Variants in CCDC102B observed in about 807,000 individuals in gnomAD.
CCDC102B encodes coiled-coil domain containing 102B.
A neutral mutation model predicts 57.4 loss-of-function variants in CCDC102B; 75 were observed. That is an observed-to-expected ratio of 1.31 (90% CI 1.08 to 1.58). The LOEUF is 1.58. Among genes scored for constraint, CCDC102B ranks in the 40% most tolerant of loss-of-function variants. CCDC102B has a pLI of 0.00. For synonymous variants in CCDC102B, 206 were observed against 201.9 expected, an observed-to-expected ratio of 1.02 and a Z score of -0.17; for missense variants, 636 against 582.6, an observed-to-expected ratio of 1.09 and a Z score of -0.94.
intron 7 of CCDC102B, among the ~76,000 whole-genome samples, chr18:69,017,813 C>A (rs571957112): frequency 2.0e-5 from 3 of 152,152 alleles, no homozygotes; most frequent in Non-Finnish European, 4.4e-5. Flanking sequence ...CCCCCTGCCC[C>A]GGGTAACCAC....
intron 7 of CCDC102B, among the ~76,000 whole-genome samples, chr18:69,038,812 G>A (rs1446586566): frequency 6.6e-6 from 1 of 151,976 alleles, no homozygotes; most frequent in African/African-American, 2.4e-5. Flanking sequence ...TAACAAATAT[G>A]CATTAAAGGC....
intron 4 of CCDC102B, among the ~76,000 whole-genome samples, chr18:68,872,425 G>A (rs2039275207): frequency 6.6e-6 from 1 of 151,864 alleles, no homozygotes; most frequent in Non-Finnish European, 1.5e-5. Context: ...TTTTCTTTAT[G>A]TATTTAAAAA....
chr18:69,022,603 T>C (rs1272961056), intron 7 of CCDC102B, among the ~76,000 whole-genome samples: 2 of 152,074 alleles, frequency 1.3e-5, no homozygotes, highest in Non-Finnish European at 2.9e-5. Flanking sequence ...CTTGGCACAG[T>C]GTCAAGTTAT....
chr18:68,795,044 T>C (rs1388139642), upstream of CCDC102B, among the ~76,000 whole-genome samples: 1 of 118,822 alleles, frequency 8.4e-6, no homozygotes, highest in Admixed American at 8.5e-5. Flanking sequence ...AAAAAAAAAA[T>C]GTTGTGGTAA....
chr18:68,733,206 TCA>T (rs1884175436), intron 2 of CCDC102B, among the ~76,000 whole-genome samples: 1 of 152,070 alleles, frequency 6.6e-6, no homozygotes. Flanking sequence ...CTGATGCCTT[TCA>T]CACACACTCT....
chr18:68,734,485 C>G (rs189722041), intron 2 of CCDC102B, among the ~76,000 whole-genome samples: 2 of 152,306 alleles, frequency 1.3e-5, no homozygotes, highest in East Asian at 3.9e-4. Flanking sequence ...CATCATCTGG[C>G]TTACGGAGAA....
Position 68,748,205 on chromosome 18 carries a change from G to GGTGTGT in CCDC102B, c.-67+31658_-67+31663dup, listed in dbSNP as rs5825872. Among the ~76,000 whole-genome samples the GGTGTGT allele has an allele frequency of 4.7e-3, 642 of 137,512 alleles. 1 individual carries two copies. Among genetic ancestry groups the GGTGTGT allele is most frequent in the East Asian group, 0.012 (48 of 4,106 alleles). The allele number at this position is 137,512 out of a possible 152,430, so 90.2% of individuals were successfully genotyped here. ...TAGGTACTTTGTCCATTATTAAACT[G>GGTGTGT]GTGTGTGTGTGTGTGTGTGTGTGTG... On this transcript the variant is annotated intron_variant, in intron 2 of 3. Transcript: ENST00000578970.
At chr18:68,738,077 A>G (rs62100007) in intron 2 of CCDC102B, among the ~76,000 whole-genome samples, 3,313 of 152,288 alleles carry the variant, frequency 0.022, 58 homozygotes, top group Middle Eastern at 0.058. Flanking sequence ...ATCCCCTTGC[A>G]GGGTGTCACA....
intron 6 of CCDC102B, among the ~76,000 whole-genome samples, chr18:68,961,505 T>C (rs2050047662): frequency 1.3e-5 from 2 of 151,948 alleles, no homozygotes; most frequent in Admixed American, 1.3e-4. Context: ...TTTATAAATA[T>C]TCATATGCAA....
At chr18:68,863,295 A>G (rs1211663762) in intron 4 of CCDC102B, among the ~76,000 whole-genome samples, 1 of 151,776 alleles carries the variant, frequency 6.6e-6, no homozygotes, top group African/African-American at 2.4e-5. Context: ...ATACTGTAGT[A>G]TTGTTTGCTA....
In CCDC102B at chr18:68,763,468, T is replaced by C. The variant is rs2034320362; in HGVS notation, c.-67+46874T>C. Among the ~76,000 whole-genome samples, 4 of 152,158 alleles carry C rather than the reference T, an allele frequency of 2.6e-5. 1 individual carries two copies. The highest frequency in any genetic ancestry group is 6.6e-5 in the Admixed American group (1 of 15,254). ...TTAGAATATTGGCAGAAAGAGTCTT[T>C]GTATTCTAACAATGTAAAAAAAATG... On this transcript the variant is annotated intron_variant, in intron 2 of 3. Transcript: ENST00000578970.
chr18:68,867,823 A>G (rs1472346879), intron 4 of CCDC102B, among the ~76,000 whole-genome samples: 4 of 151,546 alleles, frequency 2.6e-5, no homozygotes, highest in Non-Finnish European at 5.9e-5. Context: ...AGTCCCAGCT[A>G]CTCGACAGGC....
chr18:68,916,569 G>A (rs2041081117), intron 6 of CCDC102B, among the ~76,000 whole-genome samples: 1 of 152,154 alleles, frequency 6.6e-6, no homozygotes, highest in Non-Finnish European at 1.5e-5. Flanking sequence ...GTACATGAGG[G>A]AAAACTAGAA....
intron 6 of CCDC102B, among the ~76,000 whole-genome samples, chr18:68,973,768 A>G (rs1049433752): frequency 6.6e-6 from 1 of 152,140 alleles, no homozygotes. Context: ...TGTTTGTACA[A>G]ACAGTGTAAT....
At chr18:68,768,082 G>A (rs928615811) in intron 2 of CCDC102B, among the ~76,000 whole-genome samples, 3 of 152,054 alleles carry the variant, frequency 2.0e-5, no homozygotes, top group South Asian at 2.1e-4. Context: ...ATTACAACTG[G>A]TAATCACATA....
intron 6 of CCDC102B, among the ~76,000 whole-genome samples, chr18:68,999,979 GT>G (rs2051157585): frequency 6.6e-6 from 1 of 152,030 alleles, no homozygotes; most frequent in Admixed American, 6.6e-5. Context: ...TATTGATATA[GT>G]ACATGCTCTC....
intron 6 of CCDC102B, among the ~76,000 whole-genome samples, chr18:68,988,651 A>G (rs751633355): frequency 4.6e-5 from 7 of 152,226 alleles, no homozygotes; most frequent in Non-Finnish European, 1.0e-4. Flanking sequence ...ACTGGAATCA[A>G]TGATATGGTT....
chr18:68,909,801 G>T (rs1440197320), intron 6 of CCDC102B, among the ~76,000 whole-genome samples: 1 of 152,086 alleles, frequency 6.6e-6, no homozygotes, highest in Non-Finnish European at 1.5e-5. Context: ...TCACATATAG[G>T]GAGTAAAATT....
intron 5 of CCDC102B, among the ~76,000 whole-genome samples, chr18:68,885,133 A>G (rs1384580712): frequency 6.6e-6 from 1 of 152,050 alleles, no homozygotes; most frequent in Non-Finnish European, 1.5e-5. Context: ...ACATGGAGAA[A>G]ACGAAAATAT....
Sources: allele counts gnomAD v4.1 joint callset (sites outside exome capture counted in the v4.1 genomes callset), GRCh38; gene constraint gnomAD v4.1.1; transcripts MANE v1.5; gene names NCBI Gene and HGNC (gene_info 2026-07-23, HGNC 2026-07-21).